The following CREBBP variants were observed in gnomAD, a reference collection of about 807,000 sequenced individuals.
CREBBP encodes the protein CREB-binding protein.
In CREBBP, 19 loss-of-function variants were observed where a neutral mutation model predicts 265.0. The ratio of observed to expected loss-of-function variants is 0.07; its 90% CI spans 0.05 to 0.11. CREBBP has a LOEUF of 0.11. Among genes scored for constraint, CREBBP ranks in the 10% least tolerant of loss-of-function variants. The pLI is 1.00. For synonymous variants in CREBBP, 1,457 were observed against 1,223.7 expected (o/e 1.19, Z -3.98); for missense variants, 2,525 against 3,219.0 (o/e 0.78, Z 5.22).
chr16:3,812,025 G>A (rs2053948151), intron 2 of CREBBP, among the ~76,000 whole-genome samples: 1 of 151,972 alleles, frequency 6.6e-6, no homozygotes, highest in Non-Finnish European at 1.5e-5. Flanking sequence ...TTGCTTAAGG[G>A]TCACCTCTAA....
At chr16:3,781,405 G>A in intron 6 of CREBBP, 99 bp from the exon 7 acceptor site, 1 of 966,806 alleles carries the variant, frequency 1.0e-6, no homozygotes, top group Non-Finnish European at 1.6e-6. Flanking sequence ...TAAACAATTG[G>A]TGGTTATTTA....
At chr16:3,742,975 A>G (rs993531706) in intron 23 of CREBBP, 3 of 152,208 alleles carry the variant, frequency 2.0e-5, no homozygotes, top group East Asian at 1.9e-4. Context: ...ACGGAGGCCT[A>G]GTTCTCTGGG....
At chr16:3,780,589 T>G in intron 8 of CREBBP, 143 bp downstream of exon 8, 2 of 833,236 alleles carry the variant, frequency 2.4e-6, no homozygotes, top group Middle Eastern at 6.9e-4. Context: ...TGCCTAGGGC[T>G]GCCAGAACTC....
At chr16:3,754,133 T>C (rs2052535884) in intron 19 of CREBBP, among the ~76,000 whole-genome samples, 1 of 118,102 alleles carries the variant, frequency 8.5e-6, no homozygotes, top group African/African-American at 6.7e-5. Context: ...GGCAAAGCAT[T>C]ATCAACAGAC....
chr16:3,801,292 C>G (rs1414561246), intron 3 of CREBBP, among the ~76,000 whole-genome samples: 1 of 152,162 alleles, frequency 6.6e-6, no homozygotes, highest in Non-Finnish European at 1.5e-5. Flanking sequence ...AAATAAATGC[C>G]TATGTCTCTA....
chr16:3,777,538 G>T (rs1596905908), intron 11 of CREBBP, 75 bp downstream of exon 11: 1 of 1,437,704 alleles, frequency 7.0e-7, no homozygotes, highest in Non-Finnish European at 9.8e-7. Context: ...TATACAGGGG[G>T]AGAGGAAAAA....
At chr16:3,742,996 T>C (rs1351280374) in intron 23 of CREBBP, 3 of 152,196 alleles carry the variant, frequency 2.0e-5, no homozygotes, top group Non-Finnish European at 4.4e-5. Flanking sequence ...TAATTCTGTT[T>C]TGGCTACTGA....
chr16:3,848,602 ATTG>A (rs1461924400), intron 2 of CREBBP, among the ~76,000 whole-genome samples: 1 of 152,156 alleles, frequency 6.6e-6, no homozygotes, highest in Non-Finnish European at 1.5e-5. Context: ...GTCCTCAGTA[ATTG>A]TTAAGATTAT....
At chr16:3,770,542 C>G in intron 14 of CREBBP, 28 bp downstream of exon 14, 4 of 1,609,644 alleles carry the variant, frequency 2.5e-6, no homozygotes, top group Non-Finnish European at 3.4e-6. Flanking sequence ...AGTCTTGGCC[C>G]AAAAACAGCA....
chr16:3,806,204 A>G (rs1337313533), intron 3 of CREBBP, among the ~76,000 whole-genome samples: 1 of 152,128 alleles, frequency 6.6e-6, no homozygotes, highest in Non-Finnish European at 1.5e-5. Flanking sequence ...CAGCTGTGAT[A>G]TTCTGGCAGG....
intron 5 of CREBBP, among the ~76,000 whole-genome samples, chr16:3,789,540 G>A (rs779968662): frequency 6.6e-6 from 1 of 152,082 alleles, no homozygotes; most frequent in Non-Finnish European, 1.5e-5. Context: ...CATATATATT[G>A]TCTTCAAAAC....
At position 3,751,738 on chromosome 16, in the gene CREBBP, G is replaced by A; in HGVS notation, c.3767C>T (p.Ser1256Leu). The A allele has an allele frequency of 6.2e-7, 1 of 1,614,158 alleles. No individual in the cohort carries two copies. The highest frequency in any genetic ancestry group is 8.5e-7 in the Non-Finnish European group (1 of 1,180,010). The change falls in exon 20 of 31, where the codon TCA becomes TTA. Residue 1256 changes from serine (S) to leucine (L), a missense_variant. Coordinates refer to ENST00000262367, the MANE Select transcript of CREBBP (RefSeq NM_004380.3). ...GGACGGTACTTACGTCTGGGGCTGT[G>A]AAGGGTCGTCACCCAGGGTCACATT... is the stretch of plus-strand genomic sequence containing the variant. ...GENVTLGDDP[S>L]QPQTTISKDQ...
chr16:3,838,153 T>A (rs551119706), intron 2 of CREBBP, among the ~76,000 whole-genome samples: 27 of 152,284 alleles, frequency 1.8e-4, no homozygotes, highest in African/African-American at 6.5e-4. Flanking sequence ...ATTTTAAATC[T>A]TTTATACAGT....
At chr16:3,740,780 T>C in intron 23 of CREBBP, 1 of 590,956 alleles carries the variant, frequency 1.7e-6, no homozygotes, top group Non-Finnish European at 3.0e-6. Flanking sequence ...CGTGCCCAGG[T>C]AACCTGCATC....
chr16:3,840,009 C>T (rs1045613020), intron 2 of CREBBP, among the ~76,000 whole-genome samples: 7 of 152,278 alleles, frequency 4.6e-5, no homozygotes, highest in African/African-American at 1.4e-4. Context: ...CAGTCCTAGG[C>T]TACTTAACAT....
At chr16:3,772,226 A>C (rs1377955032) in intron 13 of CREBBP, among the ~76,000 whole-genome samples, 8 of 151,988 alleles carry the variant, frequency 5.3e-5, no homozygotes, top group Admixed American at 4.6e-4. Flanking sequence ...CTATAAAATA[A>C]ATAAATAAAA....
rs375403937 is a variant in CREBBP, at chr16:3,850,444, G to A, written c.651C>T (p.Gly217=). ...QVMNGSLGAA[G]RGRGAGMPYP... is the part of the protein sequence containing the mutation. The stretch of plus-strand genomic sequence containing the variant: ...ACGGCATTCCAGCTCCCCTTCCTCT[G>A]CCAGCAGCCCCAAGAGATCCATTCA... Residue 217 remains glycine (G), a synonymous_variant, in exon 2 of 31, where the codon GGC becomes GGT. Transcript: ENST00000262367. 4 of 1,614,114 alleles carry A rather than the reference G, an allele frequency of 2.5e-6. No individual in the cohort carries two copies. Among genetic ancestry groups the A allele is most frequent in the Non-Finnish European group, 3.4e-6 (4 of 1,180,056 alleles).
chr16:3,753,085 C>T (rs2052511124), intron 19 of CREBBP, among the ~76,000 whole-genome samples: 2 of 152,188 alleles, frequency 1.3e-5, no homozygotes, highest in South Asian at 4.1e-4. Flanking sequence ...ACTATGTCTA[C>T]AAGATGCCAG....
At chr16:3,745,465 G>C in intron 21 of CREBBP, 111 bp from the exon 22 acceptor site, 2 of 899,578 alleles carry the variant, frequency 2.2e-6, no homozygotes, top group South Asian at 2.8e-5. Context: ...ACTTTGAGTA[G>C]TGCTGACATT....
Sources: gnomAD v4.1 joint callset for allele counts (sites outside exome capture counted in the v4.1 genomes callset) on GRCh38, gnomAD v4.1.1 for gene constraint, MANE v1.5 for transcripts, NCBI Gene and HGNC (gene_info 2026-07-23, HGNC 2026-07-21) for gene names.